The following PRPF8 variants were observed in gnomAD, a reference collection of about 807,000 sequenced individuals.
PRPF8 encodes the protein pre-mRNA processing factor 8.
In PRPF8, 64 loss-of-function variants were observed where a neutral mutation model predicts 285.9. That is an observed-to-expected ratio of 0.22 (90% CI 0.18 to 0.28). PRPF8 has a LOEUF of 0.28. Among genes scored for constraint, PRPF8 ranks in the 10% least tolerant of loss-of-function variants. The pLI, the probability that PRPF8 is intolerant of heterozygous loss-of-function variation, is 1.00. For missense variants in PRPF8, 1,426 were observed against 3,026.7 expected, an observed-to-expected ratio of 0.47 and a Z score of 12.41; for synonymous variants, 1,325 against 1,118.2, an observed-to-expected ratio of 1.18 and a Z score of -3.69.
rs934638307 is a variant in PRPF8, at chr17:1,677,426, G to C, written c.1984+139C>G. 4 of 1,315,736 alleles carry C rather than the reference G, an allele frequency of 3.0e-6. No homozygotes were observed. In the African/African-American group the frequency reaches 5.8e-5, roughly 19 times the overall value. 81.5% of individuals were successfully genotyped at this position (1,315,736 alleles called of 1,614,324 possible). ...GGAAGCCCAAGAAATAGAATACTAG[G>C]TCAGACTCATTTCAGAACTGGACCT... On this transcript the variant is annotated intron_variant, in intron 14 of 42. Transcript: ENST00000304992.
rs369956356 is a variant in PRPF8, at chr17:1,659,385, C to T, written c.5110G>A (p.Ala1704Thr). The change falls in exon 32 of 43, where the codon GCC becomes ACC. Residue 1704 changes from alanine to threonine, a missense_variant. Physicochemically the swap from Ala to Thr is moderately conservative, Grantham distance 58. This residue lies in a region of PRPF8 where 74 missense variants were observed against 161.8 expected (regional missense o/e 0.46). Coordinates refer to ENST00000304992, the MANE Select transcript of PRPF8 (RefSeq NM_006445.4). The surrounding 1 kb of genome is among the most constrained non-coding windows in gnomAD (Gnocchi z 5.1). ...IYPSPTGVLI[A>T]IDLAYNLHSA... is the part of the protein sequence containing the mutation. The stretch of plus-strand genomic sequence containing the variant: ...TGCAAGTTATAGGCCAGGTCAATGG[C>T]GATGAGTACACCTGTGGGCGAAGGG... 9.3e-6 allele frequency: 15 copies of T among 1,613,812 alleles called. No individual in the cohort carries two copies. The East Asian group carries it at 1.6e-4, about 17-fold the overall frequency.
At chr17:1,665,612 G>A (rs1474925972) in intron 24 of PRPF8, among the ~76,000 whole-genome samples, 1 of 152,048 alleles carries the variant, frequency 6.6e-6, no homozygotes, top group Non-Finnish European at 1.5e-5. Context: ...GGGAGGACGA[G>A]GCAGGTGGAT....
rs1381058814 is a variant in PRPF8, at chr17:1,658,534, T to C, written c.5368A>G (p.Ile1790Val). Residue 1790 changes from isoleucine (I) to valine (V), a missense_variant, in exon 33 of 43, where the codon ATT (isoleucine) becomes GTT (valine). Ile to Val is a conservative substitution (Grantham distance 29, BLOSUM62 3). Around this residue, in one of 34 missense-constraint regions of PRPF8, gnomAD observed 19 missense variants for 92.8 expected, o/e 0.20. Transcript: ENST00000304992. The surrounding 1 kb of genome is among the most constrained non-coding windows in gnomAD (Gnocchi z 4.1). ...CTGCTGCTAACACTCACCTTGTGAA[T>C]AGTCACTCTGTAGACGTTGGTGTCA... ...VDDTNVYRVT[I>V]HKTFEGNLTT... 1.2e-6 allele frequency: 2 copies of C among 1,612,848 alleles called. No homozygotes were observed. Among genetic ancestry groups the C allele is most frequent in the Non-Finnish European group, 1.7e-6 (2 of 1,178,904 alleles).
At position 1,675,400 on chromosome 17, in the gene PRPF8, C is replaced by G; in HGVS notation, c.2873-61G>C. The G allele has an allele frequency of 6.3e-7, 1 of 1,576,094 alleles. No homozygotes were observed. The highest frequency in any genetic ancestry group is 8.7e-7 in the Non-Finnish European group (1 of 1,147,222). ...AAATCCTCTTGCAAGACTAGCCCCA[C>G]AGGAACTATCATTACCTTCCATAAC... On this transcript the variant is annotated intron_variant, in intron 19 of 42. Transcript: ENST00000304992. The surrounding 1 kb of genome is among the most constrained non-coding windows in gnomAD (Gnocchi z 6.0).
intron 24 of PRPF8, among the ~76,000 whole-genome samples, chr17:1,662,754 C>T (rs1421953183): frequency 6.6e-6 from 1 of 150,724 alleles, no homozygotes; most frequent in African/African-American, 2.4e-5. Flanking sequence ...GAAATTGAAC[C>T]CAGGAGGCAG....
chr17:1,683,352 A>G (rs1913042084), intron 3 of PRPF8, 181 bp downstream of exon 3: 1 of 717,478 alleles, frequency 1.4e-6, no homozygotes, highest in South Asian at 1.6e-5. Context: ...CCAGATCGGG[A>G]AGAGAGGGGA....
chr17:1,679,065 G>A lies in PRPF8; in HGVS notation c.1551C>T (p.His517=), dbSNP rs763283282. 6.2e-6 allele frequency: 10 copies of A among 1,614,166 alleles called. No individual in the cohort carries two copies. Among genetic ancestry groups the A allele is most frequent in the South Asian group, 1.1e-5 (1 of 91,086 alleles). The part of the protein sequence containing the change: ...LIHRKNLNYL[H]LDYNFNLKPV... ...GCTTGAGGTTGAAGTTGTAGTCCAGGTGCAGGTAGTTGAGGTTTTTGCGGT... is the reference window on the plus strand; with the variant it reads ...GCTTGAGGTTGAAGTTGTAGTCCAGATGCAGGTAGTTGAGGTTTTTGCGGT... Residue 517 remains histidine, a synonymous_variant, in exon 11 of 43, where the codon CAC becomes CAT. Transcript: ENST00000304992. This position sits in a 1 kb window ranked among gnomAD's most constrained non-coding sequence, Gnocchi z 4.7.
chr17:1,664,929 G>A (rs754408782), intron 24 of PRPF8, among the ~76,000 whole-genome samples: 25 of 151,896 alleles, frequency 1.6e-4, no homozygotes, highest in East Asian at 7.7e-4. Context: ...AAGCCAAGGC[G>A]GGTGAATCAC....
intron 24 of PRPF8, among the ~76,000 whole-genome samples, chr17:1,663,316 T>C (rs1436992012): frequency 6.7e-6 from 1 of 149,522 alleles, no homozygotes; most frequent in Non-Finnish European, 1.5e-5. Context: ...AAAAAAAGAG[T>C]AAGACGGTAG....
rs548396567 is a variant in PRPF8, at chr17:1,675,540, C to T, written c.2872+80G>A. 2.8e-4 allele frequency: 446 copies of T among 1,574,778 alleles called. 2 individuals carry two copies. Among genetic ancestry groups the T allele is most frequent in the Admixed American group, 5.2e-4 (31 of 59,956 alleles). ...CCACGCATCAAGAGAGTAAACCAAT[C>T]ATGCTACCCAGATGAGATTTTTGAC... is the stretch of plus-strand genomic sequence containing the variant. On this transcript the variant is annotated intron_variant, in intron 19 of 42. Transcript: ENST00000304992. This position sits in a 1 kb window ranked among gnomAD's most constrained non-coding sequence, Gnocchi z 6.0.
chr17:1,678,429 G>T (rs1912729348), intron 13 of PRPF8, 89 bp downstream of exon 13: 18 of 1,553,838 alleles, frequency 1.2e-5, no homozygotes, highest in Non-Finnish European at 1.6e-5. Flanking sequence ...GTTGCAGTGA[G>T]CCAAGATCGT....
At chr17:1,666,546 C>G (rs961460000) in intron 24 of PRPF8, among the ~76,000 whole-genome samples, 3 of 112,898 alleles carry the variant, frequency 2.7e-5, no homozygotes, top group African/African-American at 8.5e-5. Context: ...GACCCCATCT[C>G]AAAAAAAAAA....
In PRPF8 at chr17:1,673,017, G is replaced by T. The variant is rs1233043274; in HGVS notation, c.3774+64C>A. On this transcript the variant is annotated intron_variant, in intron 24 of 42. Transcript: ENST00000304992. The surrounding 1 kb of genome is among the most constrained non-coding windows in gnomAD (Gnocchi z 5.5). ...GCAGCCAGCAGGGGACGAAGTGAAA[G>T]GGGTGTGAAATGAGCAGAGGACAGC... 1 of 1,439,806 alleles carries T rather than the reference G, an allele frequency of 6.9e-7. No individual in the cohort carries two copies. The highest frequency in any genetic ancestry group is 9.8e-7 in the Non-Finnish European group (1 of 1,020,986). The allele number at this position is 1,439,806 out of a possible 1,614,324, so 89.2% of individuals were successfully genotyped here.
intron 24 of PRPF8, chr17:1,672,812 A>T: frequency 1.8e-6 from 1 of 566,116 alleles, no homozygotes; most frequent in Non-Finnish European, 3.2e-6. Context: ...TTTCTGTTCA[A>T]AATAATAAAT....
At chr17:1,668,507 C>T (rs544447135) in intron 24 of PRPF8, among the ~76,000 whole-genome samples, 29 of 151,772 alleles carry the variant, frequency 1.9e-4, no homozygotes, top group East Asian at 1.5e-3. Context: ...GGACCACAGG[C>T]GCCCGCCACG....
intron 24 of PRPF8, among the ~76,000 whole-genome samples, chr17:1,672,132 G>T (rs1053595522): frequency 6.6e-6 from 1 of 152,154 alleles, no homozygotes; most frequent in African/African-American, 2.4e-5. Context: ...AAACATAACA[G>T]AACGTATCCT....
intron 24 of PRPF8, among the ~76,000 whole-genome samples, chr17:1,662,877 T>C (rs936958533): frequency 4.2e-5 from 6 of 143,936 alleles, no homozygotes; most frequent in Admixed American, 2.7e-4. Context: ...GCACACCAGA[T>C]GGAGCTATAC....
intron 34 of PRPF8, among the ~76,000 whole-genome samples, chr17:1,657,577 C>T (rs1472597018): frequency 7.1e-5 from 10 of 139,882 alleles, no homozygotes; most frequent in Admixed American, 3.8e-4. Flanking sequence ...ACCTGGGAGG[C>T]GGAGCTTGCA....
intron 24 of PRPF8, 182 bp downstream of exon 24, chr17:1,672,899 G>A (rs1040626484): frequency 1.5e-4 from 99 of 660,736 alleles, no homozygotes; most frequent in Non-Finnish European, 2.5e-4. Context: ...TACAAGGAAC[G>A]CTCAGAAAAT....
Sources: gnomAD v4.1 joint callset for allele counts (sites outside exome capture counted in the v4.1 genomes callset) on GRCh38, gnomAD v4.1.1 for gene constraint, gnomAD v4.1.1 regional missense constraint, Gnocchi (gnomAD v3.1) non-coding constraint, MANE v1.5 for transcripts, NCBI Gene and HGNC (gene_info 2026-07-23, HGNC 2026-07-21) for gene names.